SLC38A8: variants seen among roughly 807,000 people sequenced by gnomAD.
The protein encoded by SLC38A8 is amino acid transporter SLC38A8.
SLC38A8 carries 65 observed loss-of-function variants against 46.0 expected under a neutral mutation model. The ratio of observed to expected loss-of-function variants is 1.41; its 90% CI spans 1.16 to 1.74. SLC38A8 has a LOEUF of 1.74. SLC38A8 is among the 40% of genes most tolerant of loss of function. SLC38A8 has a pLI of 0.00. For synonymous variants in SLC38A8, 447 were observed against 243.7 expected, an observed-to-expected ratio of 1.83 and a Z score of -7.77; for missense variants, 998 against 567.9, an observed-to-expected ratio of 1.76 and a Z score of -7.70.
chr16:84,036,905 G>A lies in SLC38A8; in HGVS notation c.190-5C>T, dbSNP rs1876962. 0.34 allele frequency: 551,803 copies of A among 1,601,266 alleles called. 98,361 individuals are homozygous for A. Among genetic ancestry groups the A allele is most frequent in the East Asian group, 0.57 (25,290 of 44,466 alleles). On this transcript the variant is annotated splice_polypyrimidine_tract_variant and splice_region_variant and intron_variant, in intron 2 of 10. Transcript: ENST00000299709. ...GATCAGGAAGACCAACGAGACCTGCGGAGAAGGAGCAGGACCTGGAACTGG... is the reference window on the plus strand; with the variant it reads ...GATCAGGAAGACCAACGAGACCTGCAGAGAAGGAGCAGGACCTGGAACTGG...
chr16:84,035,015 C>G (rs960819150), intron 3 of SLC38A8, among the ~76,000 whole-genome samples: 27 of 149,984 alleles, frequency 1.8e-4, no homozygotes, highest in African/African-American at 6.5e-4. Flanking sequence ...GAAGCTTGGC[C>G]TTCCCTACAG....
intron 2 of SLC38A8, among the ~76,000 whole-genome samples, chr16:84,038,075 C>G (rs1357497715): frequency 6.6e-6 from 1 of 152,092 alleles, no homozygotes; most frequent in Non-Finnish European, 1.5e-5. Flanking sequence ...CTTCGGGAGG[C>G]CAAGGCGGGA....
At chr16:84,029,885 G>A (rs1161406813) in intron 5 of SLC38A8, among the ~76,000 whole-genome samples, 2 of 152,102 alleles carry the variant, frequency 1.3e-5, no homozygotes, top group African/African-American at 4.8e-5. Flanking sequence ...CAGGGGCGGG[G>A]GCACCCAGAG....
rs373511908 is a variant in SLC38A8, at chr16:84,031,888, C to T, written c.611G>A (p.Arg204His). The change falls in exon 5 of 11, where the codon CGT becomes CAT. Residue 204 changes from arginine to histidine, a missense_variant. By Grantham distance (29) the Arg-to-His change is conservative. Transcript: ENST00000299709. Reference protein sequence around the residue: ...QYYLWPQGLVRESHPSLSPAS... With the variant: ...QYYLWPQGLVHESHPSLSPAS... The stretch of plus-strand genomic sequence containing the variant: ...TTACCTCAGTGAAGGATGGGACTCA[C>T]GCACGAGGCCCTGGGGCCAGAGGTA... 7.9e-5 allele frequency: 128 copies of T among 1,613,986 alleles called. No individual in the cohort carries two copies. Among genetic ancestry groups the T allele is most frequent in the Middle Eastern group, 1.6e-4 (1 of 6,084 alleles).
Position 84,031,856 on chromosome 16 carries a change from C to G in SLC38A8, c.632+11G>C. The G allele has an allele frequency of 8.1e-6, 13 of 1,613,338 alleles. No individual in the cohort carries two copies. Among genetic ancestry groups the G allele is most frequent in the South Asian group, 1.1e-5 (1 of 91,050 alleles). On this transcript the variant is annotated intron_variant, in intron 5 of 10. Coordinates refer to ENST00000299709, the MANE Select transcript of SLC38A8 (RefSeq NM_001080442.3). ...CGCCGAGGCTGCCGGAAGCTGTTCC[C>G]TCAGACTTACCTCAGTGAAGGATGG...
intron 7 of SLC38A8, among the ~76,000 whole-genome samples, chr16:84,022,504 G>A (rs1258247176): frequency 3.3e-5 from 5 of 152,204 alleles, no homozygotes; most frequent in South Asian, 4.1e-4. Flanking sequence ...GTCAGAGCAC[G>A]GGCTTTGGAG....
At chr16:84,025,117 G>C (rs1366720671) in intron 6 of SLC38A8, among the ~76,000 whole-genome samples, 2 of 151,834 alleles carry the variant, frequency 1.3e-5, no homozygotes, top group African/African-American at 4.8e-5. Flanking sequence ...AGCCAGGGCT[G>C]GGCAGGGAGG....
At chr16:84,019,555 G>A (rs576934713) in intron 7 of SLC38A8, among the ~76,000 whole-genome samples, 5 of 152,228 alleles carry the variant, frequency 3.3e-5, no homozygotes, top group African/African-American at 9.6e-5. Flanking sequence ...CAAGAGTTTT[G>A]GAGGGGACAA....
chr16:84,012,183 G>C (rs532208758), intron 10 of SLC38A8, among the ~76,000 whole-genome samples: 2 of 152,290 alleles, frequency 1.3e-5, no homozygotes, highest in South Asian at 2.1e-4. Context: ...CTCTTTACCT[G>C]CCTCAGCCTC....
At chr16:84,043,044 G>C (rs542848725), upstream of SLC38A8, among the ~76,000 whole-genome samples, 107 of 152,274 alleles carry the variant, frequency 7.0e-4, no homozygotes, top group Non-Finnish European at 1.2e-3. Flanking sequence ...AGTGCCCTGA[G>C]CCCAGCCTCC....
At chr16:84,019,032 G>C (rs1249963190) in intron 7 of SLC38A8, among the ~76,000 whole-genome samples, 2 of 152,000 alleles carry the variant, frequency 1.3e-5, no homozygotes, top group Non-Finnish European at 2.9e-5. Context: ...GATGCCTGCA[G>C]AAAGAGTCAA....
rs181711520 is a variant in SLC38A8 at position 84,031,462 on chromosome 16, G to A, written c.632+405C>T. ...TCGCCGTGGCTCTGAATCCCTGTAC[G>A]ACATCCCCGCCCATGCTCTCTGCCC... On this transcript the variant is annotated intron_variant, in intron 5 of 10. Transcript: ENST00000299709. Among the ~76,000 whole-genome samples, 25 of 152,270 alleles carry A rather than the reference G, an allele frequency of 1.6e-4. No homozygotes were observed. In the East Asian group the frequency reaches 1.9e-3, roughly 12 times the overall value.
At chr16:84,020,244 G>A (rs2085079388) in intron 7 of SLC38A8, among the ~76,000 whole-genome samples, 1 of 151,534 alleles carries the variant, frequency 6.6e-6, no homozygotes, top group African/African-American at 2.4e-5. Flanking sequence ...GGGCTCAAGT[G>A]ATCCTCCCTC....
At chr16:84,030,828 C>A (rs2085229061) in intron 5 of SLC38A8, among the ~76,000 whole-genome samples, 2 of 152,044 alleles carry the variant, frequency 1.3e-5, no homozygotes, top group South Asian at 4.2e-4. Flanking sequence ...GAGCATGGGG[C>A]CTGGGTGACT....
In SLC38A8 at chr16:84,009,734, C is replaced by T. The variant is rs376455006; in HGVS notation, c.*50G>A. ...GTCTCCTGGCTGCATACAGCAGCCA[C>T]GTAGGGTCAGCCCCCGGAGGGCCCC... On this transcript the variant is annotated 3_prime_UTR_variant, in exon 11 of 11. Transcript: ENST00000299709. 918 of 1,536,732 alleles carry T rather than the reference C, an allele frequency of 6.0e-4. 2 individuals are homozygous for T. The highest frequency in any genetic ancestry group is 7.6e-4 in the Non-Finnish European group (853 of 1,122,962).
chr16:84,026,930 A>C (rs1458663152), intron 6 of SLC38A8, among the ~76,000 whole-genome samples: 1 of 152,190 alleles, frequency 6.6e-6, no homozygotes, highest in African/African-American at 2.4e-5. Context: ...GGGGCAACAG[A>C]AAGGTTCTCA....
intron 5 of SLC38A8, among the ~76,000 whole-genome samples, chr16:84,030,665 T>C (rs2085227158): frequency 6.6e-6 from 1 of 152,148 alleles, no homozygotes; most frequent in Non-Finnish European, 1.5e-5. Context: ...GAGCTCCAAG[T>C]TACCTTGACT....
intron 2 of SLC38A8, among the ~76,000 whole-genome samples, chr16:84,039,754 A>C (rs1567705699): frequency 8.5e-6 from 1 of 117,472 alleles, no homozygotes; most frequent in African/African-American, 3.7e-5. Context: ...AAAAAAAAAA[A>C]AAAAAAAAAA....
rs1431366438 is a variant in SLC38A8 at position 84,031,828 on chromosome 16, C to A, written c.632+39G>T. The A allele has an allele frequency of 3.2e-6, 5 of 1,581,116 alleles. No individual in the cohort carries two copies. The South Asian group carries it at 5.5e-5, about 18-fold the overall frequency. ...CCTCACAGACTCCCCTGCCGTGCCT[C>A]CCCGCCGAGGCTGCCGGAAGCTGTT... is the stretch of plus-strand genomic sequence containing the variant. On this transcript the variant is annotated intron_variant, in intron 5 of 10. Coordinates refer to ENST00000299709, the MANE Select transcript of SLC38A8 (RefSeq NM_001080442.3).
Sources: gnomAD v4.1 joint callset for allele counts (sites outside exome capture counted in the v4.1 genomes callset) on GRCh38, gnomAD v4.1.1 for gene constraint, MANE v1.5 for transcripts, NCBI Gene and HGNC (gene_info 2026-07-23, HGNC 2026-07-21) for gene names.